Variants in GSG1L observed in about 807,000 individuals in gnomAD.
GSG1L encodes germ cell-specific gene 1-like protein.
GSG1L carries 24 observed loss-of-function variants against 42.1 expected under a neutral mutation model. The ratio of observed to expected loss-of-function variants is 0.57; its 90% CI spans 0.41 to 0.80. The LOEUF is 0.80. Among genes scored for constraint, GSG1L ranks in the 30% least tolerant of loss-of-function variants. GSG1L has a pLI of 0.00. For missense variants in GSG1L, 445 were observed against 472.2 expected, an observed-to-expected ratio of 0.94 and a Z score of 0.53; for synonymous variants, 215 against 203.5, an observed-to-expected ratio of 1.06 and a Z score of -0.48.
intron 3 of GSG1L, among the ~76,000 whole-genome samples, chr16:27,867,848 C>A (rs1356428205): frequency 6.6e-6 from 1 of 152,190 alleles, no homozygotes; most frequent in East Asian, 1.9e-4. Context: ...CCACGCCCCT[C>A]AAAGTCCAGC....
intron 2 of GSG1L, among the ~76,000 whole-genome samples, chr16:27,935,095 A>G (rs967003026): frequency 1.3e-5 from 2 of 152,248 alleles, no homozygotes; most frequent in African/African-American, 4.8e-5. Flanking sequence ...TTTAGACAGC[A>G]CGGTCCAGGG....
chr16:27,967,218 A>G (rs2085145573), intron 1 of GSG1L, among the ~76,000 whole-genome samples: 1 of 152,222 alleles, frequency 6.6e-6, no homozygotes. Flanking sequence ...GGTCTCTTGA[A>G]GCCCCTTTGG....
intron 1 of GSG1L, among the ~76,000 whole-genome samples, chr16:28,035,951 C>T (rs2086030343): frequency 6.6e-6 from 1 of 152,184 alleles, no homozygotes; most frequent in African/African-American, 2.4e-5. Flanking sequence ...GCCCTTCTGA[C>T]CGAAAGCTGA....
rs4788029 is a variant in GSG1L at position 27,995,565 on chromosome 16, A to T, written c.350-32362T>A. On this transcript the variant is annotated intron_variant, in intron 1 of 6. Coordinates refer to ENST00000447459, the MANE Select transcript of GSG1L (RefSeq NM_001109763.2). The stretch of plus-strand genomic sequence containing the variant: ...ATCAGAAAGATCTTGTTTAAAGACC[A>T]CAGGGACACACTTCTATCCCCTTTC... 7.9e-5 allele frequency among the ~76,000 whole-genome samples: 12 copies of T among 151,914 alleles called. No individual in the cohort carries two copies. The South Asian group carries it at 1.0e-3, about 13-fold the overall frequency.
chr16:27,957,602 G>A (rs750452869), intron 2 of GSG1L, among the ~76,000 whole-genome samples: 50 of 152,336 alleles, frequency 3.3e-4, no homozygotes, highest in South Asian at 6.2e-4. Context: ...AAGGGACAGA[G>A]AGATGTGCAC....
At chr16:27,927,681 C>T (rs559581067) in intron 2 of GSG1L, among the ~76,000 whole-genome samples, 6 of 152,336 alleles carry the variant, frequency 3.9e-5, no homozygotes, top group Non-Finnish European at 8.8e-5. Flanking sequence ...CTCAGTGCTC[C>T]ACCCAGCCAC....
At chr16:27,903,238 G>C (rs1046080865) in intron 2 of GSG1L, among the ~76,000 whole-genome samples, 1 of 152,138 alleles carries the variant, frequency 6.6e-6, no homozygotes, top group Non-Finnish European at 1.5e-5. Flanking sequence ...TTGATCCCCA[G>C]GCAGCAGGGA....
chr16:27,833,317 T>C (rs927810804), intron 4 of GSG1L, among the ~76,000 whole-genome samples: 1 of 152,174 alleles, frequency 6.6e-6, no homozygotes, highest in Non-Finnish European at 1.5e-5. Flanking sequence ...TATTGGTCTA[T>C]TTCTGAGTTC....
chr16:27,865,603 A>G (rs2083713991), intron 3 of GSG1L, among the ~76,000 whole-genome samples: 1 of 141,462 alleles, frequency 7.1e-6, no homozygotes, highest in Non-Finnish European at 1.5e-5. Context: ...ACACACACAT[A>G]TATATACACA....
intron 3 of GSG1L, among the ~76,000 whole-genome samples, chr16:27,856,273 T>C (rs895160442): frequency 1.3e-5 from 2 of 152,226 alleles, no homozygotes; most frequent in African/African-American, 2.4e-5. Context: ...TAATCCCCCA[T>C]TGAATCCACT....
intron 2 of GSG1L, 116 bp downstream of exon 2, chr16:27,963,040 T>C (rs2085087940): frequency 1.2e-6 from 1 of 853,752 alleles, no homozygotes; most frequent in Non-Finnish European, 1.9e-6. Context: ...CCCAGGGCCC[T>C]GTTGCCCAGG....
At position 27,909,698 on chromosome 16, in the gene GSG1L, A is replaced by G. The variant is rs548714056; in HGVS notation, c.398-25060T>C. Among the ~76,000 whole-genome samples the G allele has an allele frequency of 1.8e-4, 26 of 142,120 alleles. No homozygotes were observed. The South Asian group carries it at 4.5e-3, about 25-fold the overall frequency. The allele number at this position is 142,120 out of a possible 152,430, so 93.2% of individuals were successfully genotyped here. ...GCTCTGTTGCCCATGCTGGAACACA[A>G]TGGTGTGATCATATCTCACAGCAGT... On this transcript the variant is annotated intron_variant, in intron 2 of 6. Transcript: ENST00000447459.
chr16:27,868,642 G>T (rs1220766276), intron 3 of GSG1L, among the ~76,000 whole-genome samples: 1 of 151,974 alleles, frequency 6.6e-6, no homozygotes, highest in East Asian at 1.9e-4. Flanking sequence ...TAAAAATTTG[G>T]AGGATTTCCA....
intron 2 of GSG1L, among the ~76,000 whole-genome samples, chr16:27,910,070 C>T (rs1317989716): frequency 1.3e-5 from 2 of 151,208 alleles, no homozygotes; most frequent in Non-Finnish European, 2.9e-5. Context: ...AGAGATTCTC[C>T]TGCCTCAGCC....
At chr16:27,907,783 A>G (rs1409875561) in intron 2 of GSG1L, among the ~76,000 whole-genome samples, 1 of 152,254 alleles carries the variant, frequency 6.6e-6, no homozygotes, top group Non-Finnish European at 1.5e-5. Flanking sequence ...CAAATGTAGC[A>G]TAATCAATCT....
chr16:28,035,542 C>T (rs1169267172), intron 1 of GSG1L, among the ~76,000 whole-genome samples: 1 of 152,080 alleles, frequency 6.6e-6, no homozygotes, highest in Non-Finnish European at 1.5e-5. Context: ...GGGGCTGTAC[C>T]GGGACCATGT....
At chr16:27,934,813 T>A (rs937642045) in intron 2 of GSG1L, among the ~76,000 whole-genome samples, 3 of 152,126 alleles carry the variant, frequency 2.0e-5, no homozygotes, top group Non-Finnish European at 4.4e-5. Flanking sequence ...CCTGGGGCTG[T>A]TGGGAGGATC....
intron 2 of GSG1L, among the ~76,000 whole-genome samples, chr16:27,923,570 C>A (rs1052024805): frequency 4.6e-5 from 7 of 152,104 alleles, no homozygotes; most frequent in Admixed American, 1.3e-4. Flanking sequence ...CATGGCGAAA[C>A]CCCGTCTCTA....
intron 3 of GSG1L, among the ~76,000 whole-genome samples, chr16:27,856,607 C>G (rs920401797): frequency 6.6e-6 from 1 of 152,234 alleles, no homozygotes; most frequent in Non-Finnish European, 1.5e-5. Flanking sequence ...CCATCGCTCC[C>G]GGCTCCTCAC....
Sources: gnomAD v4.1 joint callset for allele counts (sites outside exome capture counted in the v4.1 genomes callset) on GRCh38, gnomAD v4.1.1 for gene constraint, MANE v1.5 for transcripts, NCBI Gene and HGNC (gene_info 2026-07-23, HGNC 2026-07-21) for gene names.